AFDN: variants seen among roughly 807,000 people sequenced by gnomAD.
The protein encoded by AFDN is afadin.
In AFDN, 68 loss-of-function variants were observed where a neutral mutation model predicts 216.6. The observed-to-expected ratio is 0.31, with a 90% CI of 0.26 to 0.38. AFDN has a LOEUF of 0.38. AFDN is among the 10% of genes least tolerant of loss of function. The probability of loss-of-function intolerance (pLI) is 1.00; values close to 1 mark genes in which losing one functional copy is unlikely to be tolerated. For missense variants in AFDN, 2,136 were observed against 2,342.0 expected (o/e 0.91, Z 1.82); for synonymous variants, 868 against 853.7 (o/e 1.02, Z -0.29).
rs1454056781 is a variant in AFDN at position 167,943,937 on chromosome 6, C to T, written c.3240-4C>T. The stretch of plus-strand genomic sequence containing the variant: ...TTCTTACATGTGTAATCTTCTTCTC[C>T]TAGGGCGGCAGAACTCATGACAAGA... On this transcript the variant is annotated splice_region_variant and splice_polypyrimidine_tract_variant and intron_variant, in intron 25 of 33. Coordinates refer to ENST00000683244, the MANE Select transcript of AFDN (RefSeq NM_001386888.1). 6.2e-7 allele frequency: 1 copy of T among 1,613,544 alleles called. No homozygotes were observed. The highest frequency in any genetic ancestry group is 1.3e-5 in the African/African-American group (1 of 74,906).
In AFDN at chr6:167,897,004, G is replaced by C. The variant is rs187477414; in HGVS notation, c.1317+32G>C. 281 of 1,285,122 alleles carry C rather than the reference G, an allele frequency of 2.2e-4. 2 individuals carry two copies. Among genetic ancestry groups the C allele is most frequent in the South Asian group, 7.5e-4 (63 of 84,266 alleles). The allele number at this position is 1,285,122 out of a possible 1,614,324, so 79.6% of individuals were successfully genotyped here. Reference sequence around the variant, plus strand: ...AGTCTGAGCTTCCTGCTGCAACTCTGACATTCCAGGAGGCATAACGTATTG... The same window carrying C: ...AGTCTGAGCTTCCTGCTGCAACTCTCACATTCCAGGAGGCATAACGTATTG... On this transcript the variant is annotated intron_variant, in intron 10 of 33. Transcript: ENST00000683244.
At chr6:167,957,348 C>T (rs143198405) in intron 30 of AFDN, among the ~76,000 whole-genome samples, 1 of 152,200 alleles carries the variant, frequency 6.6e-6, no homozygotes, top group East Asian at 1.9e-4. Context: ...GAACAGTGAC[C>T]TTTGTCCAAG....
intron 31 of AFDN, among the ~76,000 whole-genome samples, chr6:167,965,484 T>C (rs1797448801): frequency 6.6e-6 from 1 of 152,162 alleles, no homozygotes; most frequent in African/African-American, 2.4e-5. Flanking sequence ...ACTGGGATAA[T>C]GGAAAGGCAT....
intron 6 of AFDN, among the ~76,000 whole-genome samples, chr6:167,885,675 A>C (rs1016586456): frequency 1.3e-5 from 2 of 152,266 alleles, no homozygotes; most frequent in African/African-American, 4.8e-5. Context: ...TGTGAGAATT[A>C]ACACAATGTA....
chr6:167,864,708 C>T lies in AFDN; in HGVS notation c.263C>T (p.Ser88Phe). The stretch of plus-strand genomic sequence containing the variant: ...CGACCTGATATGCGAATGCTGTCCT[C>T]TCCCAAGTATTCACTCTATGAAGTG... ...KFRPDMRMLS[S>F]PKYSLYEVHV... The change falls in exon 2 of 34, where the codon TCT becomes TTT. Residue 88 changes from serine to phenylalanine, a missense_variant. This residue lies in a region of AFDN where 817 missense variants were observed against 965.7 expected (regional missense o/e 0.85). Coordinates refer to ENST00000683244, the MANE Select transcript of AFDN (RefSeq NM_001386888.1). 1.2e-6 allele frequency: 2 copies of T among 1,614,192 alleles called. No homozygotes were observed. Among genetic ancestry groups the T allele is most frequent in the Non-Finnish European group, 1.7e-6 (2 of 1,180,036 alleles).
intron 2 of AFDN, among the ~76,000 whole-genome samples, chr6:167,865,939 T>C (rs1323902674): frequency 1.3e-5 from 2 of 152,164 alleles, no homozygotes; most frequent in Non-Finnish European, 2.9e-5. Context: ...TTTTTGTTGT[T>C]GTTGTTTGTT....
chr6:167,964,004 C>T (rs1431943459), intron 31 of AFDN: 1 of 1,064,460 alleles, frequency 9.4e-7, no homozygotes, highest in Non-Finnish European at 1.1e-6. Flanking sequence ...GCCGGAGCCT[C>T]GGCGGGGGCA....
intron 5 of AFDN, among the ~76,000 whole-genome samples, chr6:167,879,227 A>G (rs1204079349): frequency 6.6e-6 from 1 of 152,192 alleles, no homozygotes; most frequent in African/African-American, 2.4e-5. Flanking sequence ...TCCATATTCT[A>G]ATACTACTGT....
rs576251860 is a variant in AFDN, at chr6:167,928,910, T to C, written c.3099+3819T>C. On this transcript the variant is annotated intron_variant, in intron 23 of 33. Coordinates refer to ENST00000683244, the MANE Select transcript of AFDN (RefSeq NM_001386888.1). ...CACAGCCTTCTCTCTGTATCTTCAA[T>C]GGAAAGTAATTTTGTCATAAAAATA... is the stretch of plus-strand genomic sequence containing the variant. 2.6e-5 allele frequency among the ~76,000 whole-genome samples: 4 copies of C among 152,344 alleles called. No individual in the cohort carries two copies. The South Asian group carries it at 8.3e-4, about 32-fold the overall frequency.
chr6:167,864,186 C>A, intron 1 of AFDN: 2 of 469,864 alleles, frequency 4.3e-6, no homozygotes, highest in South Asian at 3.1e-5. Context: ...TGAGTTTGGA[C>A]AACTAGATCT....
intron 1 of AFDN, among the ~76,000 whole-genome samples, chr6:167,831,856 A>G (rs1415829180): frequency 6.6e-6 from 1 of 152,230 alleles, no homozygotes; most frequent in Non-Finnish European, 1.5e-5. Flanking sequence ...ATTTGTTTAT[A>G]AACAGTTTTA....
At position 167,845,378 on chromosome 6, in the gene AFDN, CTTTTCTTTTCT is replaced by C. The variant is rs536034425; in HGVS notation, c.105+18156_105+18166del. Among the ~76,000 whole-genome samples the C allele has an allele frequency of 3.9e-3, 590 of 151,904 alleles. 4 individuals are homozygous for C. The highest frequency in any genetic ancestry group is 0.013 in the African/African-American group (536 of 41,440). ...TATTTTTGCTATTAAATGAATATTT[CTTTTCTTTTCT>C]TTTTCTTTTCTTTTCTTGCTTTTTT... On this transcript the variant is annotated intron_variant, in intron 1 of 33. Coordinates refer to ENST00000683244, the MANE Select transcript of AFDN (RefSeq NM_001386888.1).
Position 167,951,975 on chromosome 6 carries a change from G to A in AFDN, c.4621G>A (p.Asp1541Asn), listed in dbSNP as rs772211701. 6 of 1,614,088 alleles carry A rather than the reference G, an allele frequency of 3.7e-6. No homozygotes were observed. Among genetic ancestry groups the A allele is most frequent in the Non-Finnish European group, 8.5e-7 (1 of 1,180,060 alleles). ...GAAGCAGCAGCAGATGCACATCGTG[G>A]ACATGCTGAGCAAGGAGATCCAGGA... ...LEKQQQMHIV[D>N]MLSKEIQELQ... Residue 1541 changes from aspartate (D) to asparagine (N), a missense_variant, in exon 30 of 34, where the codon GAC (aspartate) becomes AAC (asparagine). This residue lies in a region of AFDN where 981 missense variants were observed against 966.0 expected (regional missense o/e 1.02). Coordinates refer to ENST00000683244, the MANE Select transcript of AFDN (RefSeq NM_001386888.1). This position sits in a 1 kb window ranked among gnomAD's most constrained non-coding sequence, Gnocchi z 7.1.
chr6:167,833,358 A>G (rs1355645634), intron 1 of AFDN, among the ~76,000 whole-genome samples: 2 of 152,098 alleles, frequency 1.3e-5, no homozygotes, highest in Non-Finnish European at 2.9e-5. Flanking sequence ...GGTTGACCCA[A>G]CATTATGATC....
At chr6:167,838,706 C>G (rs1780721157) in intron 1 of AFDN, among the ~76,000 whole-genome samples, 1 of 152,234 alleles carries the variant, frequency 6.6e-6, no homozygotes, top group South Asian at 2.1e-4. Context: ...TACAGCCCAT[C>G]TTCTCTGGTG....
chr6:167,952,223 G>T (rs558741288), intron 30 of AFDN, 36 bp downstream of exon 30: 2 of 1,613,718 alleles, frequency 1.2e-6, no homozygotes, highest in Non-Finnish European at 1.7e-6. Context: ...GCCCATCTGT[G>T]GTCCCTATTT....
chr6:167,955,384 A>G (rs1484928974), intron 30 of AFDN, among the ~76,000 whole-genome samples: 2 of 152,018 alleles, frequency 1.3e-5, no homozygotes, highest in African/African-American at 2.4e-5. Flanking sequence ...ATTGGAAGGC[A>G]TATTTTCTGA....
In AFDN at chr6:167,971,400, GATAA is replaced by G. The variant is rs1397659526; in HGVS notation, c.*1468_*1471del. On this transcript the variant is annotated 3_prime_UTR_variant, in exon 34 of 34. Transcript: ENST00000683244. ...AAATCACTTTTAATAAAAGTTGTAT[GATAA>G]ATCATTAAAAATGCGAGTGTAAATA... 3 of 203,776 alleles carry G rather than the reference GATAA, an allele frequency of 1.5e-5. No individual in the cohort carries two copies. Among genetic ancestry groups the G allele is most frequent in the Non-Finnish European group, 3.0e-5 (3 of 99,668 alleles). The allele number at this position is 203,776 out of a possible 1,614,324, so 12.6% of individuals were successfully genotyped here. A position where few individuals can be genotyped will look rare whatever the true frequency, so the allele number is the denominator to read the frequency against.
rs1474981143 is a variant in AFDN, at chr6:167,827,309, G to T, written c.105+72G>T. 1.2e-5 allele frequency: 6 copies of T among 516,592 alleles called. No individual in the cohort carries two copies. The African/African-American group carries it at 2.3e-4, about 20-fold the overall frequency. 32.0% of individuals were successfully genotyped at this position (516,592 alleles called of 1,614,324 possible). On this transcript the variant is annotated intron_variant, in intron 1 of 33. Coordinates refer to ENST00000683244, the MANE Select transcript of AFDN (RefSeq NM_001386888.1). ...CCGCGCCCCGCCCCTCCCCCCCGCCGCCGCCCGCCAGCCGCGGACCCGCCC... is the reference window on the plus strand; with the variant it reads ...CCGCGCCCCGCCCCTCCCCCCCGCCTCCGCCCGCCAGCCGCGGACCCGCCC...
Sources: gnomAD v4.1 joint callset for allele counts (sites outside exome capture counted in the v4.1 genomes callset) on GRCh38, gnomAD v4.1.1 for gene constraint, gnomAD v4.1.1 regional missense constraint, Gnocchi (gnomAD v3.1) non-coding constraint, MANE v1.5 for transcripts, NCBI Gene and HGNC (gene_info 2026-07-23, HGNC 2026-07-21) for gene names.